The following WDR20 variants were observed in gnomAD, a reference collection of about 807,000 sequenced individuals.
The protein encoded by WDR20 is WD repeat-containing protein 20.
A neutral mutation model predicts 38.7 loss-of-function variants in WDR20; 3 were observed. The observed-to-expected ratio is 0.08, with a 90% CI of 0.04 to 0.20. The LOEUF is 0.20. WDR20 is among the 10% of genes least tolerant of loss of function. WDR20 has a pLI of 1.00. For missense variants in WDR20, 559 were observed against 727.7 expected, an observed-to-expected ratio of 0.77 and a Z score of 2.67; for synonymous variants, 298 against 285.6, an observed-to-expected ratio of 1.04 and a Z score of -0.44.
At position 102,220,481 on chromosome 14, in the gene WDR20, T is replaced by C. The variant is rs1297172443; in HGVS notation, c.1693-2349T>C. On this transcript the variant is annotated intron_variant, in intron 3 of 3. Transcript: ENST00000335263. The surrounding 1 kb of genome is among the most constrained non-coding windows in gnomAD (Gnocchi z 4.2). The stretch of plus-strand genomic sequence containing the variant: ...GCTCACGCCTGTAATCCCAGCACTT[T>C]GGGAGGCCAAGGCAGGTGGATCACG... Among the ~76,000 whole-genome samples, 1 of 152,216 alleles carries C rather than the reference T, an allele frequency of 6.6e-6. No individual in the cohort carries two copies. The highest frequency in any genetic ancestry group is 1.5e-5 in the Non-Finnish European group (1 of 68,030).
chr14:102,202,874 A>G (rs1390043562), intron 2 of WDR20, among the ~76,000 whole-genome samples: 4 of 152,146 alleles, frequency 2.6e-5, no homozygotes, highest in South Asian at 2.1e-4. Flanking sequence ...GGATGTTACT[A>G]TTCGCAGCCA....
chr14:102,145,641 T>C (rs2053327897), intron 1 of WDR20, among the ~76,000 whole-genome samples: 1 of 152,116 alleles, frequency 6.6e-6, no homozygotes, highest in Admixed American at 6.5e-5. Context: ...CGTGGTGTCA[T>C]GTGCCTCTAG....
At chr14:102,159,574 C>T (rs1034226185) in intron 1 of WDR20, among the ~76,000 whole-genome samples, 3 of 152,118 alleles carry the variant, frequency 2.0e-5, no homozygotes, top group Admixed American at 6.5e-5. Context: ...TGGCGCACGC[C>T]GGTAATCCCA....
chr14:102,172,413 A>T (rs1422504852), intron 1 of WDR20, among the ~76,000 whole-genome samples: 3 of 122,576 alleles, frequency 2.4e-5, no homozygotes, highest in Non-Finnish European at 5.6e-5. Context: ...GTTCTCAATG[A>T]GCTGTTGGGC....
chr14:102,224,712 C>T (rs1342327123), downstream of WDR20: 1 of 455,914 alleles, frequency 2.2e-6, no homozygotes, highest in Non-Finnish European at 4.4e-6. Flanking sequence ...ACATTAGTTA[C>T]AGCTTGAGTT....
chr14:102,141,647 C>G (rs2051232518), intron 1 of WDR20, among the ~76,000 whole-genome samples: 1 of 152,066 alleles, frequency 6.6e-6, no homozygotes, highest in Admixed American at 6.6e-5. Flanking sequence ...GGGAATGTTA[C>G]AGTGCACGTT....
intron 1 of WDR20, among the ~76,000 whole-genome samples, chr14:102,148,160 A>C (rs1195421388): frequency 6.6e-6 from 1 of 152,230 alleles, no homozygotes; most frequent in Non-Finnish European, 1.5e-5. Context: ...TTGGTTATTC[A>C]GGAGAAGACC....
Position 102,208,296 on chromosome 14 carries a change from T to C in WDR20, c.433-307T>C, listed in dbSNP as rs1206754014. Among the ~76,000 whole-genome samples, 1 of 152,224 alleles carries C rather than the reference T, an allele frequency of 6.6e-6. No homozygotes were observed. The highest frequency in any genetic ancestry group is 2.4e-5 in the African/African-American group (1 of 41,454). ...AGGAAGAAAGATCCCAGCAGGGCTG[T>C]TCCCTCCGCAGTGAACCCTGTGCCT... On this transcript the variant is annotated intron_variant, in intron 2 of 2. Transcript: ENST00000342702. The surrounding 1 kb of genome is among the most constrained non-coding windows in gnomAD (Gnocchi z 5.6).
chr14:102,167,509 C>T (rs1190573), intron 1 of WDR20: 100,366 of 152,238 alleles, frequency 0.66, 36,473 homozygotes, highest in East Asian at 0.92. Context: ...TGTGAGCCAC[C>T]GTGCCCAGCC....
intron 1 of WDR20, among the ~76,000 whole-genome samples, chr14:102,153,307 CT>C (rs57513596): frequency 3.2e-4 from 41 of 128,180 alleles, no homozygotes; most frequent in Admixed American, 6.0e-4. Context: ...AAACCTCTTT[CT>C]TTTTTTTTTT....
downstream of WDR20, chr14:102,212,531 C>G (rs186444962): frequency 3.3e-4 from 501 of 1,535,988 alleles, no homozygotes; most frequent in African/African-American, 6.3e-3. Context: ...CGGCAGAGCA[C>G]TTCTGCAGGC....
downstream of WDR20, among the ~76,000 whole-genome samples, chr14:102,217,778 G>C (rs1489433699): frequency 2.4e-4 from 37 of 152,248 alleles, no homozygotes. Context: ...AGCAGTTAAG[G>C]AGTGTGTTCA....
intron 1 of WDR20, among the ~76,000 whole-genome samples, chr14:102,156,243 C>T (rs1157310324): frequency 6.6e-6 from 1 of 151,384 alleles, no homozygotes; most frequent in Non-Finnish European, 1.5e-5. Flanking sequence ...TCTCGGCTCA[C>T]TGCAAGCTCC....
At chr14:102,163,088 G>A (rs1294258315) in intron 1 of WDR20, among the ~76,000 whole-genome samples, 1 of 152,240 alleles carries the variant, frequency 6.6e-6, no homozygotes, top group East Asian at 1.9e-4. Flanking sequence ...TAATTGACAT[G>A]GGGCCTTTAA....
intron 2 of WDR20, among the ~76,000 whole-genome samples, chr14:102,197,038 AAGT>A (rs2059530529): frequency 6.6e-6 from 1 of 152,196 alleles, no homozygotes; most frequent in African/African-American, 2.4e-5. Context: ...AATGGTGGTG[AAGT>A]AGTCATCGTG....
At chr14:102,212,753 C>T, downstream of WDR20, 1 of 1,360,228 alleles carries the variant, frequency 7.4e-7, no homozygotes, top group Non-Finnish European at 9.5e-7. Flanking sequence ...TGCTGCTAAC[C>T]CTAGGAGAAA....
chr14:102,147,971 T>G (rs1273384592), intron 1 of WDR20, among the ~76,000 whole-genome samples: 1 of 152,206 alleles, frequency 6.6e-6, no homozygotes, highest in East Asian at 1.9e-4. Context: ...CCTCAGGTGA[T>G]CCACCTGCCT....
At chr14:102,202,671 C>T (rs1480380060) in intron 2 of WDR20, among the ~76,000 whole-genome samples, 5 of 152,176 alleles carry the variant, frequency 3.3e-5, no homozygotes, top group South Asian at 2.1e-4. Context: ...TGAGCCACTG[C>T]GCCGGGCCTG....
downstream of WDR20, chr14:102,223,682 T>TTATC (rs1199149664): frequency 6.6e-6 from 1 of 152,452 alleles, no homozygotes; most frequent in Non-Finnish European, 1.5e-5. Context: ...TACCGCTTGT[T>TTATC]TATCTTCTGT....
Sources: allele counts gnomAD v4.1 joint callset (sites outside exome capture counted in the v4.1 genomes callset), GRCh38; gene constraint gnomAD v4.1.1; non-coding constraint Gnocchi (gnomAD v3.1); transcripts MANE v1.5; gene names NCBI Gene and HGNC (gene_info 2026-07-23, HGNC 2026-07-21).